Variants in LRRC4C observed in about 807,000 individuals in gnomAD.
LRRC4C encodes leucine-rich repeat-containing protein 4C.
Under a neutral mutation model 33.6 loss-of-function variants are expected in LRRC4C, and 5 were observed. The observed-to-expected ratio is 0.15, with a 90% CI of 0.08 to 0.31. The LOEUF is 0.31. LRRC4C is among the 10% of genes least tolerant of loss of function. The probability of loss-of-function intolerance (pLI) is 1.00; values close to 1 mark genes in which losing one functional copy is unlikely to be tolerated. For synonymous variants in LRRC4C, 329 were observed against 302.0 expected, an observed-to-expected ratio of 1.09 and a Z score of -0.93; for missense variants, 560 against 796.7, an observed-to-expected ratio of 0.70 and a Z score of 3.58.
intron 3 of LRRC4C, among the ~76,000 whole-genome samples, chr11:40,449,345 CA>C (rs11407596): frequency 0.024 from 3,322 of 140,194 alleles, 121 homozygotes; most frequent in African/African-American, 0.079. Flanking sequence ...ACAAAAGAAG[CA>C]AAAAAAAAAA....
At chr11:41,221,656 C>T (rs1047646743) in intron 1 of LRRC4C, among the ~76,000 whole-genome samples, 16 of 152,172 alleles carry the variant, frequency 1.1e-4, no homozygotes, top group Non-Finnish European at 2.1e-4. Context: ...AACCTAAATG[C>T]CCATCAATGA....
At chr11:40,449,535 A>G (rs914548681) in intron 3 of LRRC4C, among the ~76,000 whole-genome samples, 2 of 152,116 alleles carry the variant, frequency 1.3e-5, no homozygotes, top group Admixed American at 6.6e-5. Flanking sequence ...AAAGCTAGGG[A>G]AAACCGAGGC....
intron 1 of LRRC4C, among the ~76,000 whole-genome samples, chr11:41,202,241 A>G (rs924415846): frequency 2.6e-5 from 4 of 152,198 alleles, no homozygotes; most frequent in Non-Finnish European, 5.9e-5. Context: ...GTTTCTGCTA[A>G]CATTGACTCA....
chr11:41,128,558 A>G (rs553501664), intron 1 of LRRC4C, among the ~76,000 whole-genome samples: 2 of 152,192 alleles, frequency 1.3e-5, no homozygotes, highest in Admixed American at 6.6e-5. Context: ...ACAAGTGGGA[A>G]TGCTGACCAA....
intron 1 of LRRC4C, among the ~76,000 whole-genome samples, chr11:41,371,560 A>C (rs528466026): frequency 1.7e-4 from 26 of 152,332 alleles, no homozygotes; most frequent in African/African-American, 5.5e-4. Context: ...AAAAAGAAAG[A>C]AAGCATACTC....
rs534935479 is a variant in LRRC4C at position 40,127,422 on chromosome 11, A to G, written c.-42-11088T>C. 1.8e-4 allele frequency among the ~76,000 whole-genome samples: 28 copies of G among 152,194 alleles called. No homozygotes were observed. The East Asian group carries it at 4.8e-3, about 26-fold the overall frequency. On this transcript the variant is annotated intron_variant, in intron 6 of 6. Coordinates refer to ENST00000528697, the MANE Select transcript of LRRC4C (RefSeq NM_001258419.2). ...AGTAGGAGCACAAAATAATAAGAAA[A>G]CTGTCTTAATGGAAGTAAAGGACTT...
chr11:41,144,093 A>G (rs11036253), intron 1 of LRRC4C, among the ~76,000 whole-genome samples: 8,550 of 152,184 alleles, frequency 0.056, 311 homozygotes, highest in Non-Finnish European at 0.087. Context: ...CTATCACCTC[A>G]CCCATTATCT....
At chr11:40,406,496 G>T (rs1441819400) in intron 3 of LRRC4C, among the ~76,000 whole-genome samples, 1 of 152,062 alleles carries the variant, frequency 6.6e-6, no homozygotes, top group Non-Finnish European at 1.5e-5. Flanking sequence ...GTGATGCCTG[G>T]TATGTGTTGG....
intron 1 of LRRC4C, among the ~76,000 whole-genome samples, chr11:41,179,035 T>A (rs539801921): frequency 6.6e-6 from 1 of 152,210 alleles, no homozygotes; most frequent in African/African-American, 2.4e-5. Flanking sequence ...TATAAGTAAT[T>A]TGCATGGTCC....
chr11:41,308,456 G>A (rs1003349412), intron 1 of LRRC4C, among the ~76,000 whole-genome samples: 5 of 152,056 alleles, frequency 3.3e-5, no homozygotes, highest in African/African-American at 7.2e-5. Context: ...TGTGTCCACC[G>A]CCAAGGTGTT....
At chr11:40,335,554 G>C (rs775306259) in intron 3 of LRRC4C, among the ~76,000 whole-genome samples, 14 of 152,206 alleles carry the variant, frequency 9.2e-5, no homozygotes, top group Non-Finnish European at 1.8e-4. Flanking sequence ...GATTAGGATG[G>C]AGAAGCAGAA....
chr11:40,778,583 G>A (rs1404395630), intron 2 of LRRC4C, among the ~76,000 whole-genome samples: 1 of 152,100 alleles, frequency 6.6e-6, no homozygotes, highest in Non-Finnish European at 1.5e-5. Context: ...GTGAGCTAGG[G>A]CAAGCAAGAG....
intron 1 of LRRC4C, among the ~76,000 whole-genome samples, chr11:41,253,175 C>T (rs986581144): frequency 6.6e-6 from 1 of 152,072 alleles, no homozygotes; most frequent in African/African-American, 2.4e-5. Context: ...ATATTCATTG[C>T]CCCTACTTTT....
chr11:40,865,950 T>C (rs1220947208), intron 2 of LRRC4C, among the ~76,000 whole-genome samples: 1 of 151,984 alleles, frequency 6.6e-6, no homozygotes, highest in African/African-American at 2.4e-5. Flanking sequence ...ATCTGTAGAT[T>C]TTTTTAATCT....
intron 1 of LRRC4C, among the ~76,000 whole-genome samples, chr11:41,110,065 A>AT (rs1312485610): frequency 6.6e-6 from 1 of 151,948 alleles, no homozygotes; most frequent in African/African-American, 2.4e-5. Context: ...TCAACCCACT[A>AT]TTTTATTGCT....
intron 1 of LRRC4C, among the ~76,000 whole-genome samples, chr11:41,210,172 C>T (rs1465414780): frequency 2.0e-5 from 3 of 151,998 alleles, no homozygotes; most frequent in African/African-American, 4.8e-5. Flanking sequence ...TTACAGTAGC[C>T]CAAGGAGACA....
At chr11:40,715,105 ATTT>A (rs1467858182) in intron 2 of LRRC4C, among the ~76,000 whole-genome samples, 1 of 152,160 alleles carries the variant, frequency 6.6e-6, no homozygotes, top group Non-Finnish European at 1.5e-5. Context: ...AATCCAGATA[ATTT>A]ATTTATCAAA....
At position 41,065,198 on chromosome 11, in the gene LRRC4C, G is replaced by A. The variant is rs566868288; in HGVS notation, c.-495-131475C>T. 1.3e-4 allele frequency among the ~76,000 whole-genome samples: 19 copies of A among 146,434 alleles called. No individual in the cohort carries two copies. The South Asian group carries it at 3.9e-3, about 30-fold the overall frequency. On this transcript the variant is annotated intron_variant, in intron 1 of 6. Coordinates refer to ENST00000528697, the MANE Select transcript of LRRC4C (RefSeq NM_001258419.2). ...CAGCGCAGCAGTCTGGAGTCCACCCGGGAACAGGTTTGGTGAGGGGAGGGG... is the reference window on the plus strand; with the variant it reads ...CAGCGCAGCAGTCTGGAGTCCACCCAGGAACAGGTTTGGTGAGGGGAGGGG...
intron 2 of LRRC4C, among the ~76,000 whole-genome samples, chr11:40,735,371 C>T (rs1192294663): frequency 6.9e-6 from 1 of 145,108 alleles, no homozygotes; most frequent in Non-Finnish European, 1.5e-5. Context: ...TCCATGTGTT[C>T]TCATTGTTCA....
Sources: allele counts gnomAD v4.1 joint callset (sites outside exome capture counted in the v4.1 genomes callset), GRCh38; gene constraint gnomAD v4.1.1; transcripts MANE v1.5; gene names NCBI Gene and HGNC (gene_info 2026-07-23, HGNC 2026-07-21).